CALN1: variants seen among roughly 807,000 people sequenced by gnomAD.
CALN1 encodes the protein calneuron 1, also known as calcium-binding protein 8.
In CALN1, 17 loss-of-function variants were observed where a neutral mutation model predicts 30.6. The ratio of observed to expected loss-of-function variants is 0.56; its 90% CI spans 0.38 to 0.83. CALN1 has a LOEUF of 0.83. Among genes scored for constraint, CALN1 ranks in the 40% least tolerant of loss-of-function variants. CALN1 has a pLI of 0.00. For synonymous variants in CALN1, 156 were observed against 131.4 expected (o/e 1.19, Z -1.28); for missense variants, 291 against 354.9 (o/e 0.82, Z 1.45).
intron 2 of CALN1, among the ~76,000 whole-genome samples, chr7:72,398,087 T>C (rs1806098967): frequency 6.6e-6 from 1 of 152,006 alleles, no homozygotes. Flanking sequence ...TGGACACCTG[T>C]TAGGGACAGG....
chr7:72,497,434 C>T, the CALN1 span, among the ~76,000 whole-genome samples: 1 of 151,728 alleles, frequency 6.6e-6, no homozygotes, highest in Non-Finnish European at 1.5e-5. Context: ...AGTGAGACCC[C>T]ATCTCAAAAA....
chr7:72,084,871 T>C (rs1805379202), intron 4 of CALN1, among the ~76,000 whole-genome samples: 3 of 152,160 alleles, frequency 2.0e-5, no homozygotes, highest in South Asian at 2.1e-4. Flanking sequence ...ATTCCAGATA[T>C]AAACAATTCA....
At chr7:72,460,212 C>G in the CALN1 span, among the ~76,000 whole-genome samples, 2 of 152,176 alleles carry the variant, frequency 1.3e-5, no homozygotes, top group African/African-American at 4.8e-5. Context: ...TCCCACCAGG[C>G]CCCACCTCCA....
At chr7:72,264,626 G>C (rs1028708761) in intron 3 of CALN1, among the ~76,000 whole-genome samples, 1 of 151,972 alleles carries the variant, frequency 6.6e-6, no homozygotes, top group East Asian at 1.9e-4. Flanking sequence ...TCAGCCTCCT[G>C]AGTATCCAAG....
intron 5 of CALN1, among the ~76,000 whole-genome samples, chr7:72,014,703 C>T (rs1054557137): frequency 2.0e-5 from 3 of 152,128 alleles, no homozygotes; most frequent in Non-Finnish European, 4.4e-5. Context: ...GCTCTGTTGT[C>T]TAGGCTGGAG....
At chr7:72,068,494 G>A (rs1174237274) in intron 4 of CALN1, among the ~76,000 whole-genome samples, 2 of 96,460 alleles carry the variant, frequency 2.1e-5, no homozygotes, top group Admixed American at 2.2e-4. Flanking sequence ...CTCCTGTTTT[G>A]TTTGTTTGTT....
At chr7:72,121,158 AATCT>A (rs1472139566) in intron 3 of CALN1, among the ~76,000 whole-genome samples, 2 of 145,138 alleles carry the variant, frequency 1.4e-5, no homozygotes, top group Non-Finnish European at 3.0e-5. Flanking sequence ...TTATATATAA[AATCT>A]ATATTATATA....
intron 5 of CALN1, among the ~76,000 whole-genome samples, chr7:71,990,897 AAC>A (rs1798913592): frequency 6.6e-6 from 1 of 152,152 alleles, no homozygotes; most frequent in South Asian, 2.1e-4. Flanking sequence ...GTTTCTGGTT[AAC>A]AGTTTCATAC....
intron 3 of CALN1, among the ~76,000 whole-genome samples, chr7:72,157,619 G>C (rs1279101939): frequency 6.6e-6 from 1 of 152,126 alleles, no homozygotes; most frequent in African/African-American, 2.4e-5. Flanking sequence ...GAAAGTTCCA[G>C]AAAACTGGAG....
At chr7:72,429,313 G>A (rs1277517809) in intron 1 of CALN1, among the ~76,000 whole-genome samples, 2 of 152,136 alleles carry the variant, frequency 1.3e-5, no homozygotes, top group Non-Finnish European at 2.9e-5. Flanking sequence ...GTCAGAGCAG[G>A]ACCTTATTGG....
chr7:72,368,714 G>A (rs928726917), intron 2 of CALN1, among the ~76,000 whole-genome samples: 1 of 150,944 alleles, frequency 6.6e-6, no homozygotes, highest in East Asian at 1.9e-4. Context: ...TACACAAGAC[G>A]ACAAAGTGAA....
At chr7:71,886,334 G>A (rs1346273163) in intron 5 of CALN1, among the ~76,000 whole-genome samples, 1 of 152,212 alleles carries the variant, frequency 6.6e-6, no homozygotes, top group African/African-American at 2.4e-5. Flanking sequence ...AGGGATTTTC[G>A]GCAGATCCTG....
At chr7:71,851,208 A>AACAC (rs56041427) in intron 5 of CALN1, among the ~76,000 whole-genome samples, 47,380 of 131,848 alleles carry the variant, frequency 0.36, 8,415 homozygotes, top group East Asian at 0.38. Context: ...CCTTGTCTCA[A>AACAC]ACACACACAC....
At chr7:72,502,912 G>A in the CALN1 span, among the ~76,000 whole-genome samples, 1 of 152,132 alleles carries the variant, frequency 6.6e-6, no homozygotes, top group South Asian at 2.1e-4. Flanking sequence ...CGGCACTTTG[G>A]GGAGCCAAAG....
chr7:72,492,215 A>G, the CALN1 span, among the ~76,000 whole-genome samples: 1 of 152,256 alleles, frequency 6.6e-6, no homozygotes, highest in Non-Finnish European at 1.5e-5. Flanking sequence ...GTTTAAGCCA[A>G]TAGCTCATGG....
At chr7:72,053,512 T>A (rs1397047339) in intron 4 of CALN1, among the ~76,000 whole-genome samples, 1 of 152,150 alleles carries the variant, frequency 6.6e-6, no homozygotes, top group Admixed American at 6.5e-5. Context: ...GCTGAACTGA[T>A]TTACACTCCC....
chr7:72,365,122 T>C (rs1174918247), intron 2 of CALN1, among the ~76,000 whole-genome samples: 1 of 152,156 alleles, frequency 6.6e-6, no homozygotes, highest in Non-Finnish European at 1.5e-5. Context: ...CTGGCCAGCA[T>C]GGTGAAACCC....
intron 3 of CALN1, among the ~76,000 whole-genome samples, chr7:72,158,591 A>G (rs562128411): frequency 9.2e-5 from 14 of 152,262 alleles, no homozygotes; most frequent in African/African-American, 3.4e-4. Context: ...GTAAGGCTAC[A>G]GAGGGCCCTC....
intron 3 of CALN1, among the ~76,000 whole-genome samples, chr7:72,251,622 A>G: frequency 6.6e-6 from 1 of 152,040 alleles, no homozygotes; most frequent in East Asian, 1.9e-4. Flanking sequence ...GCTAGTCTCA[A>G]ACTTCTGGGC....
Sources: allele counts gnomAD v4.1 joint callset (sites outside exome capture counted in the v4.1 genomes callset), GRCh38; gene constraint gnomAD v4.1.1; transcripts MANE v1.5; gene names NCBI Gene and HGNC (gene_info 2026-07-23, HGNC 2026-07-21).